The following PTGER3 variants were observed in gnomAD, a reference collection of about 807,000 sequenced individuals.
PTGER3 encodes the protein prostaglandin E2 receptor EP3 subtype.
PTGER3 carries 22 observed loss-of-function variants against 34.7 expected under a neutral mutation model. The observed-to-expected ratio is 0.63, with a 90% CI of 0.45 to 0.91. The LOEUF (loss-of-function observed/expected upper bound fraction) is 0.91, where lower values mean the gene tolerates loss of function less well. Ranked by LOEUF, PTGER3 falls within the 40% of genes least tolerant of loss-of-function variation. The pLI is 0.00. For synonymous variants in PTGER3, 241 were observed against 230.1 expected (o/e 1.05, Z -0.43); for missense variants, 468 against 519.4 (o/e 0.90, Z 0.96).
At chr1:71,000,424 A>G (rs1344860904) in intron 2 of PTGER3, among the ~76,000 whole-genome samples, 1 of 152,184 alleles carries the variant, frequency 6.6e-6, no homozygotes, top group African/African-American at 2.4e-5. Flanking sequence ...CACCAGTTCA[A>G]ATTTCTTTAA....
intron 4 of PTGER3, among the ~76,000 whole-genome samples, chr1:70,919,429 C>A (rs572597012): frequency 1.3e-5 from 2 of 152,246 alleles, no homozygotes; most frequent in South Asian, 4.1e-4. Context: ...GCTGAGAAAT[C>A]TGGGAACACA....
intron 4 of PTGER3, among the ~76,000 whole-genome samples, chr1:70,926,577 TG>T (rs1368403928): frequency 6.6e-6 from 1 of 152,224 alleles, no homozygotes; most frequent in African/African-American, 2.4e-5. Context: ...AAGGAGATTT[TG>T]GGCTGAGGCA....
chr1:70,902,125 A>AT (rs1646853196), intron 4 of PTGER3, among the ~76,000 whole-genome samples: 1 of 152,244 alleles, frequency 6.6e-6, no homozygotes, highest in Non-Finnish European at 1.5e-5. Flanking sequence ...AAAGATACCT[A>AT]TAAGTCAATT....
chr1:71,008,799 G>T, intron 2 of PTGER3: 4 of 952,486 alleles, frequency 4.2e-6, no homozygotes, highest in Non-Finnish European at 5.0e-6. Flanking sequence ...TTGATGGTTT[G>T]TACTTGTTAT....
chr1:70,909,547 C>T (rs537882979), intron 4 of PTGER3, among the ~76,000 whole-genome samples: 1 of 152,280 alleles, frequency 6.6e-6, no homozygotes, highest in Admixed American at 6.5e-5. Flanking sequence ...CAGAAGATCT[C>T]TCCCAGCAGC....
At chr1:70,867,527 C>T (rs984650537) in intron 4 of PTGER3, among the ~76,000 whole-genome samples, 1 of 152,078 alleles carries the variant, frequency 6.6e-6, no homozygotes, top group Non-Finnish European at 1.5e-5. Flanking sequence ...TCGAGACCAG[C>T]CTGGCCAACA....
intron 2 of PTGER3, 178 bp downstream of exon 2, chr1:71,012,127 G>A (rs1657497550): frequency 1.3e-6 from 2 of 1,517,952 alleles, no homozygotes; most frequent in Non-Finnish European, 1.8e-6. Flanking sequence ...TGCATAAACA[G>A]TGGCATGCCA....
At chr1:70,861,981 G>A (rs1310836792) in intron 4 of PTGER3, among the ~76,000 whole-genome samples, 2 of 151,768 alleles carry the variant, frequency 1.3e-5, no homozygotes. Flanking sequence ...TAACCATCTA[G>A]TATTTCCAGT....
At chr1:70,986,436 G>A (rs1304473231) in intron 2 of PTGER3, among the ~76,000 whole-genome samples, 1 of 152,136 alleles carries the variant, frequency 6.6e-6, no homozygotes, top group Non-Finnish European at 1.5e-5. Context: ...GTTCCTATGA[G>A]GGGACGAGCC....
chr1:70,975,220 C>T (rs974284935), intron 2 of PTGER3, among the ~76,000 whole-genome samples: 13 of 152,134 alleles, frequency 8.5e-5, no homozygotes, highest in African/African-American at 3.1e-4. Context: ...TACCACGGTG[C>T]CTGGCACAGA....
chr1:70,920,723 C>A (rs1423381474), intron 4 of PTGER3, among the ~76,000 whole-genome samples: 2 of 152,140 alleles, frequency 1.3e-5, no homozygotes, highest in Non-Finnish European at 2.9e-5. Flanking sequence ...CATAGCATGT[C>A]CTAAGAACAA....
intron 3 of PTGER3, among the ~76,000 whole-genome samples, chr1:70,953,267 A>G (rs907853237): frequency 1.3e-5 from 2 of 152,134 alleles, no homozygotes; most frequent in African/African-American, 4.8e-5. Flanking sequence ...TAATTTATAT[A>G]AGGGATTTGA....
chr1:70,953,795 A>G, intron 2 of PTGER3: 1 of 1,330,142 alleles, frequency 7.5e-7, no homozygotes, highest in Non-Finnish European at 1.0e-6. Context: ...CTCATCTGAA[A>G]AAGAGTAATA....
chr1:70,977,394 C>A (rs1209843538), intron 2 of PTGER3, among the ~76,000 whole-genome samples: 1 of 151,968 alleles, frequency 6.6e-6, no homozygotes, highest in Non-Finnish European at 1.5e-5. Context: ...GAGATTCCTT[C>A]CAGAATGACC....
At chr1:71,006,636 G>A in intron 2 of PTGER3, 1 of 979,274 alleles carries the variant, frequency 1.0e-6, no homozygotes. Flanking sequence ...TCGGAAAAGA[G>A]CAACTCTCAT....
At chr1:70,875,018 A>G (rs1646245052) in intron 4 of PTGER3, among the ~76,000 whole-genome samples, 1 of 152,138 alleles carries the variant, frequency 6.6e-6, no homozygotes, top group African/African-American at 2.4e-5. Flanking sequence ...ATGCAGTGAC[A>G]TTTCACCAGG....
At chr1:70,903,574 T>G (rs1183172750) in intron 4 of PTGER3, among the ~76,000 whole-genome samples, 2 of 152,186 alleles carry the variant, frequency 1.3e-5, no homozygotes, top group Admixed American at 1.3e-4. Context: ...TCTATCTCTA[T>G]CTCCCTGTTT....
At chr1:71,037,068 C>T (rs1395979156) in intron 1 of PTGER3, among the ~76,000 whole-genome samples, 1 of 152,104 alleles carries the variant, frequency 6.6e-6, no homozygotes, top group Non-Finnish European at 1.5e-5. Context: ...ATTATGGAGT[C>T]CAAGCACAGA....
At chr1:70,963,533 G>A (rs923963269) in intron 2 of PTGER3, among the ~76,000 whole-genome samples, 3 of 152,324 alleles carry the variant, frequency 2.0e-5, no homozygotes, top group Middle Eastern at 3.4e-3. Context: ...GTACCTGCAG[G>A]CCCAACACCG....
Sources: gnomAD v4.1 joint callset for allele counts (sites outside exome capture counted in the v4.1 genomes callset) on GRCh38, gnomAD v4.1.1 for gene constraint, MANE v1.5 for transcripts, NCBI Gene and HGNC (gene_info 2026-07-23, HGNC 2026-07-21) for gene names.